The following LYN variants were observed in gnomAD, a reference collection of about 807,000 sequenced individuals.
LYN encodes LYN proto-oncogene, Src family tyrosine kinase.
A neutral mutation model predicts 65.0 loss-of-function variants in LYN; 12 were observed. That is an observed-to-expected ratio of 0.18 (90% CI 0.12 to 0.30). The LOEUF (loss-of-function observed/expected upper bound fraction) is 0.30. LYN is among the 10% of genes least tolerant of loss of function. The pLI is 1.00. For missense variants in LYN, 380 were observed against 623.2 expected (o/e 0.61, Z 4.16); for synonymous variants, 222 against 221.2 (o/e 1.00, Z -0.03).
chr8:55,951,838 AT>A, intron 6 of LYN, 127 bp from the exon 7 acceptor site: 1 of 716,748 alleles, frequency 1.4e-6, no homozygotes, highest in Admixed American at 3.2e-5. Context: ...AAAATTATGC[AT>A]TTTATACAAA....
At chr8:55,968,235 A>G (rs911332931) in intron 9 of LYN, among the ~76,000 whole-genome samples, 6 of 152,084 alleles carry the variant, frequency 3.9e-5, no homozygotes, top group Non-Finnish European at 7.4e-5. Context: ...GAGTTTTCCT[A>G]TGTAACAATG....
chr8:55,890,624 G>C (rs1804930179), intron 1 of LYN, among the ~76,000 whole-genome samples: 1 of 151,960 alleles, frequency 6.6e-6, no homozygotes, highest in Admixed American at 6.6e-5. Flanking sequence ...AGAGATGTTT[G>C]TACACTTGTG....
chr8:55,885,569 A>T (rs1389169265), intron 1 of LYN, among the ~76,000 whole-genome samples: 1 of 152,028 alleles, frequency 6.6e-6, no homozygotes, highest in East Asian at 1.9e-4. Context: ...GACTGGAGAG[A>T]TGGGTGTGTA....
At chr8:55,988,291 G>GGTGTGTGTGT (rs57413136) in intron 10 of LYN, among the ~76,000 whole-genome samples, 5,105 of 142,106 alleles carry the variant, frequency 0.036, 210 homozygotes, top group African/African-American at 0.1. Flanking sequence ...CAAACTCCCT[G>GGTGTGTGTGT]GTGTGTGTGT....
chr8:55,992,991 T>C (rs777674520), intron 10 of LYN, among the ~76,000 whole-genome samples: 11 of 152,126 alleles, frequency 7.2e-5, no homozygotes, highest in Non-Finnish European at 5.9e-5. Flanking sequence ...CATAGCATCA[T>C]GCATTTGCAG....
At chr8:55,980,941 C>A (rs555268088) in intron 10 of LYN, among the ~76,000 whole-genome samples, 4 of 152,184 alleles carry the variant, frequency 2.6e-5, no homozygotes, top group Non-Finnish European at 5.9e-5. Context: ...CTCCCCGCGG[C>A]CGCTTGCTAG....
At position 55,887,571 on chromosome 8, in the gene LYN, T is replaced by C. The variant is rs1296752373; in HGVS notation, c.-6+7468T>C. ...ATAAAAATATAAATATATATATATA[T>C]ATATACACACACACACACACACACA... On this transcript the variant is annotated intron_variant, in intron 1 of 12. Transcript: ENST00000519728. Among the ~76,000 whole-genome samples the C allele has an allele frequency of 3.0e-4, 15 of 50,354 alleles. No homozygotes were observed. The South Asian group carries it at 3.8e-3, about 13-fold the overall frequency. 33.0% of individuals were successfully genotyped at this position (50,354 alleles called of 152,430 possible). A position where few individuals can be genotyped will look rare whatever the true frequency, so the allele number is the denominator to read the frequency against.
At chr8:55,950,348 A>T (rs1806905014) in intron 4 of LYN, 111 bp from the exon 5 acceptor site, 1 of 711,076 alleles carries the variant, frequency 1.4e-6, no homozygotes, top group Admixed American at 2.7e-5. Flanking sequence ...TTTTTAATTG[A>T]TATGTAATAT....
intron 1 of LYN, chr8:55,895,715 T>C (rs971923664): frequency 6.6e-6 from 1 of 152,164 alleles, no homozygotes; most frequent in Non-Finnish European, 1.5e-5. Context: ...CATCTAATGT[T>C]TTTCTAATAC....
chr8:55,939,715 G>C (rs993986051), intron 1 of LYN, among the ~76,000 whole-genome samples: 65 of 152,260 alleles, frequency 4.3e-4, no homozygotes, highest in Middle Eastern at 3.4e-3. Flanking sequence ...TAACGTATTT[G>C]CCCATTTGTA....
chr8:56,006,981 G>A (rs1808690681), intron 12 of LYN, among the ~76,000 whole-genome samples: 2 of 152,032 alleles, frequency 1.3e-5, no homozygotes, highest in Admixed American at 1.3e-4. Flanking sequence ...TTATCAAGTC[G>A]AATTCCCCAA....
rs546027461 is a variant in LYN, at chr8:55,981,518, T to C, written c.1050+11725T>C. On this transcript the variant is annotated intron_variant, in intron 10 of 12. Coordinates refer to ENST00000519728, the MANE Select transcript of LYN (RefSeq NM_002350.4). ...TAGAAGAACATATTTTTTGTGTGTT[T>C]AAAAAAATTTTTTTTAATATAGAGA... Among the ~76,000 whole-genome samples, 129 of 152,154 alleles carry C rather than the reference T, an allele frequency of 8.5e-4. 1 individual carries two copies. Among genetic ancestry groups the C allele is most frequent in the Non-Finnish European group, 1.4e-3 (94 of 68,018 alleles).
rs1208569792 is a variant in LYN at position 55,966,727 on chromosome 8, A to G, written c.803A>G (p.Asn268Ser). 3 of 1,613,112 alleles carry G rather than the reference A, an allele frequency of 1.9e-6. No homozygotes were observed. The highest frequency in any genetic ancestry group is 3.3e-5 in the Admixed American group (2 of 59,720). Reference protein sequence around the residue: ...FGEVWMGYYNNSTKVAVKTLK... With the variant: ...FGEVWMGYYNSSTKVAVKTLK... Reference sequence around the variant, plus strand: ...TTTTTCTTCCTAGGTTACTATAACAACAGTACCAAGGTGGCTGTGAAAACC... The same window carrying G: ...TTTTTCTTCCTAGGTTACTATAACAGCAGTACCAAGGTGGCTGTGAAAACC... The change falls in exon 9 of 13, where the codon AAC becomes AGC. Residue 268 changes from asparagine (N) to serine (S), a missense_variant. This residue lies in a region of LYN where 223 missense variants were observed against 430.0 expected (regional missense o/e 0.52). Coordinates refer to ENST00000519728, the MANE Select transcript of LYN (RefSeq NM_002350.4).
At chr8:56,002,062 C>A (rs1241260352) in intron 12 of LYN, among the ~76,000 whole-genome samples, 1 of 152,158 alleles carries the variant, frequency 6.6e-6, no homozygotes, top group Non-Finnish European at 1.5e-5. Flanking sequence ...AGGTGGATCA[C>A]CTGAGGTCAG....
chr8:55,997,877 G>A (rs1260284173), intron 10 of LYN, among the ~76,000 whole-genome samples: 4 of 152,186 alleles, frequency 2.6e-5, no homozygotes, highest in African/African-American at 9.7e-5. Context: ...GAGGTCAGGA[G>A]ATCGAGACCA....
intron 1 of LYN, among the ~76,000 whole-genome samples, chr8:55,892,287 G>T (rs1021166411): frequency 1.3e-5 from 2 of 152,116 alleles, no homozygotes; most frequent in Non-Finnish European, 2.9e-5. Context: ...AGGTGTGGTG[G>T]CACACACCTG....
intron 8 of LYN, among the ~76,000 whole-genome samples, chr8:55,956,815 A>G (rs990281065): frequency 3.9e-5 from 6 of 152,292 alleles, no homozygotes; most frequent in South Asian, 2.1e-4. Context: ...CAGGATCGCA[A>G]TCACACTTAA....
chr8:55,939,519 T>C (rs1806535705), intron 1 of LYN, among the ~76,000 whole-genome samples: 1 of 150,056 alleles, frequency 6.7e-6, no homozygotes, highest in South Asian at 2.1e-4. Flanking sequence ...GCAGGGGAAC[T>C]GCAGGAACGC....
Position 55,991,570 on chromosome 8 carries a change from C to A in LYN, c.1051-6776C>A, listed in dbSNP as rs183938328. 7.0e-4 allele frequency among the ~76,000 whole-genome samples: 106 copies of A among 152,282 alleles called. 1 individual carries two copies. The highest frequency in any genetic ancestry group is 2.4e-3 in the African/African-American group (101 of 41,556). Reference sequence around the variant, plus strand: ...GTGCACCTAGACTTTTCATTGTGTACAAGATGCCAAGAGTTTCACCAGAAC... The same window carrying A: ...GTGCACCTAGACTTTTCATTGTGTAAAAGATGCCAAGAGTTTCACCAGAAC... On this transcript the variant is annotated intron_variant, in intron 10 of 12. Transcript: ENST00000519728.
Sources: gnomAD v4.1 joint callset for allele counts (sites outside exome capture counted in the v4.1 genomes callset) on GRCh38, gnomAD v4.1.1 for gene constraint, gnomAD v4.1.1 regional missense constraint, MANE v1.5 for transcripts, NCBI Gene and HGNC (gene_info 2026-07-23, HGNC 2026-07-21) for gene names.